Variants in WDR75 observed in about 807,000 individuals in gnomAD.
WDR75 encodes the protein WD repeat-containing protein 75.
In WDR75, 52 loss-of-function variants were observed where a neutral mutation model predicts 106.1. That is an observed-to-expected ratio of 0.49 (90% confidence interval 0.39 to 0.62). The LOEUF is 0.62. WDR75 is among the 20% of genes least tolerant of loss of function. WDR75 has a pLI of 0.00. For missense variants in WDR75, 905 were observed against 970.3 expected (o/e 0.93, Z 0.89); for synonymous variants, 333 against 335.5 (o/e 0.99, Z 0.08).
At chr2:189,460,523 T>A (rs1023866861) in intron 8 of WDR75, among the ~76,000 whole-genome samples, 1 of 151,770 alleles carries the variant, frequency 6.6e-6, no homozygotes, top group Non-Finnish European at 1.5e-5. Flanking sequence ...TTTTTTTTTT[T>A]AGACAAGGTC....
intron 1 of WDR75, among the ~76,000 whole-genome samples, chr2:189,448,017 T>C (rs1686537601): frequency 6.6e-6 from 1 of 152,208 alleles, no homozygotes; most frequent in African/African-American, 2.4e-5. Context: ...CGAGAGCTGA[T>C]GGATTTATAA....
chr2:189,449,098 A>G (rs916022729), intron 2 of WDR75: 4 of 514,704 alleles, frequency 7.8e-6, no homozygotes, highest in Non-Finnish European at 1.3e-5. Context: ...GTCCCCCACA[A>G]AGCAGCCCTT....
intron 4 of WDR75, 22 bp downstream of exon 4, chr2:189,451,917 A>G: frequency 6.3e-7 from 1 of 1,577,254 alleles, no homozygotes; most frequent in South Asian, 1.1e-5. Context: ...TTAACTTACT[A>G]TATATGGCAT....
At position 189,455,447 on chromosome 2, in the gene WDR75, A is replaced by C; in HGVS notation, c.498+3A>C. 1 of 1,604,010 alleles carries C rather than the reference A, an allele frequency of 6.2e-7. No individual in the cohort carries two copies. The highest frequency in any genetic ancestry group is 1.1e-5 in the South Asian group (1 of 89,388). ...AGTGCATTGCCTTTGGAAACGAGGT[A>C]AATTTTGTTTTGTTCGTTTTCTGTT... On this transcript the variant is annotated splice_donor_region_variant and intron_variant, in intron 5 of 20. Coordinates refer to ENST00000314761, the MANE Select transcript of WDR75 (RefSeq NM_032168.3).
chr2:189,472,954 C>T (rs1404551886), intron 18 of WDR75, among the ~76,000 whole-genome samples: 1 of 152,138 alleles, frequency 6.6e-6, no homozygotes, highest in Admixed American at 6.5e-5. Context: ...CACGGTGGTT[C>T]TTGCCTGTAA....
rs377043285 is a variant in WDR75, at chr2:189,459,432, C to T, written c.778+8C>T. The T allele has an allele frequency of 1.1e-4, 171 of 1,603,780 alleles. No homozygotes were observed. The highest frequency in any genetic ancestry group is 2.7e-4 in the Admixed American group (16 of 58,796). ...TGGCTTTTTCAGTGACAGGTAAGTG[C>T]GGGTTTAATTATTAAAATGAACTTT... On this transcript the variant is annotated splice_region_variant and intron_variant, in intron 8 of 20. Transcript: ENST00000314761.
At chr2:189,470,353 G>T (rs931401471) in intron 17 of WDR75, 108 bp downstream of exon 17, 1 of 1,294,300 alleles carries the variant, frequency 7.7e-7, no homozygotes, top group Non-Finnish European at 1.1e-6. Flanking sequence ...CTTCATTAAA[G>T]GATTATTTCC....
intron 17 of WDR75, among the ~76,000 whole-genome samples, chr2:189,470,588 C>CT (rs1687096326): frequency 6.7e-6 from 1 of 150,006 alleles, no homozygotes; most frequent in South Asian, 2.1e-4. Flanking sequence ...TGAGTTTTGT[C>CT]TGTCAGTTAT....
intron 1 of WDR75, among the ~76,000 whole-genome samples, chr2:189,446,445 A>G (rs1211893298): frequency 1.3e-5 from 2 of 152,202 alleles, no homozygotes; most frequent in African/African-American, 4.8e-5. Flanking sequence ...GGCAGGTTAT[A>G]TATCGCAAAT....
At chr2:189,459,916 G>A (rs1336766085) in intron 8 of WDR75, among the ~76,000 whole-genome samples, 1 of 152,124 alleles carries the variant, frequency 6.6e-6, no homozygotes, top group African/African-American at 2.4e-5. Flanking sequence ...TGATTTTAGA[G>A]CTCTTGTTTT....
intron 18 of WDR75, among the ~76,000 whole-genome samples, chr2:189,472,779 C>G (rs1687141699): frequency 1.3e-5 from 2 of 152,154 alleles, no homozygotes; most frequent in Non-Finnish European, 2.9e-5. Flanking sequence ...GACCCTTGAA[C>G]AATGTAGAGA....
chr2:189,472,097 A>G (rs182263039), intron 18 of WDR75, among the ~76,000 whole-genome samples: 134 of 152,312 alleles, frequency 8.8e-4, no homozygotes, highest in Non-Finnish European at 1.7e-3. Flanking sequence ...GCCAGGGACC[A>G]TTGTAGACAG....
At chr2:189,458,177 C>T (rs985892526) in intron 6 of WDR75, among the ~76,000 whole-genome samples, 1 of 152,146 alleles carries the variant, frequency 6.6e-6, no homozygotes, top group Non-Finnish European at 1.5e-5. Flanking sequence ...CCCGCCTCAG[C>T]CTCCGAAAGT....
intron 12 of WDR75, 33 bp from the exon 13 acceptor site, chr2:189,466,392 G>A: frequency 6.2e-7 from 1 of 1,608,132 alleles, no homozygotes; most frequent in East Asian, 2.2e-5. Flanking sequence ...TTGTCCTCAT[G>A]CAAGAATAAA....
intron 18 of WDR75, among the ~76,000 whole-genome samples, chr2:189,472,781 A>T (rs115371134): frequency 0.015 from 2,316 of 152,336 alleles, 53 homozygotes; most frequent in African/African-American, 0.053. Flanking sequence ...CCCTTGAACA[A>T]TGTAGAGATT....
At chr2:189,473,630 G>A (rs763910751) in intron 18 of WDR75, among the ~76,000 whole-genome samples, 21 of 152,086 alleles carry the variant, frequency 1.4e-4, no homozygotes, top group Non-Finnish European at 2.8e-4. Flanking sequence ...GGAGCTGTGG[G>A]GTGCTTTCTA....
rs1405358588 is a variant in WDR75, at chr2:189,470,017, G to A, written c.1820-59G>A. 7 of 1,477,888 alleles carry A rather than the reference G, an allele frequency of 4.7e-6. No homozygotes were observed. The African/African-American group carries it at 9.8e-5, about 21-fold the overall frequency. The allele number at this position is 1,477,888 out of a possible 1,614,324, so 91.5% of individuals were successfully genotyped here. ...CAGGATTAGTGTGATCTGCCAGTCT[G>A]AGGCTAGAACTAACCTTTTCAGGCA... On this transcript the variant is annotated intron_variant, in intron 16 of 20. Coordinates refer to ENST00000314761, the MANE Select transcript of WDR75 (RefSeq NM_032168.3).
intron 1 of WDR75, among the ~76,000 whole-genome samples, chr2:189,442,292 C>T (rs890068558): frequency 2.0e-5 from 3 of 152,050 alleles, no homozygotes; most frequent in Non-Finnish European, 4.4e-5. Flanking sequence ...CACATAATGG[C>T]TCAATGTATG....
intron 2 of WDR75, chr2:189,449,492 T>G: frequency 7.3e-6 from 8 of 1,099,512 alleles, no homozygotes; most frequent in Non-Finnish European, 9.0e-6. Context: ...AACTATTATT[T>G]TGTTAAAATT....
Sources: allele counts gnomAD v4.1 joint callset (sites outside exome capture counted in the v4.1 genomes callset), GRCh38; gene constraint gnomAD v4.1.1; transcripts MANE v1.5; gene names NCBI Gene and HGNC (gene_info 2026-07-23, HGNC 2026-07-21).